The following CTNNA2 variants were observed in gnomAD, a reference collection of about 807,000 sequenced individuals.
CTNNA2 encodes the protein catenin alpha-2.
CTNNA2 carries 42 observed loss-of-function variants against 101.0 expected under a neutral mutation model. The ratio of observed to expected loss-of-function variants is 0.42; its 90% CI spans 0.32 to 0.54. The LOEUF (loss-of-function observed/expected upper bound fraction) is 0.54. Among genes scored for constraint, CTNNA2 ranks in the 20% least tolerant of loss-of-function variants. The pLI is 0.14. For synonymous variants in CTNNA2, 450 were observed against 456.4 expected (o/e 0.99, Z 0.18); for missense variants, 871 against 1,223.1 (o/e 0.71, Z 4.29).
intron 1 of CTNNA2, among the ~76,000 whole-genome samples, chr2:79,629,419 C>T (rs1411048527): frequency 6.6e-6 from 1 of 152,098 alleles, no homozygotes; most frequent in Non-Finnish European, 1.5e-5. Context: ...TAAGTAGGAC[C>T]TAGCTTTGAG....
intron 7 of CTNNA2, among the ~76,000 whole-genome samples, chr2:80,213,154 C>CA (rs1708013397): frequency 6.6e-6 from 1 of 151,884 alleles, no homozygotes. Context: ...TTGATCTTTT[C>CA]AAAAAACCAG....
rs541578212 is a variant in CTNNA2 at position 80,119,188 on chromosome 2, C to T, written c.1056+209391C>T. 9.9e-5 allele frequency among the ~76,000 whole-genome samples: 15 copies of T among 152,226 alleles called. No homozygotes were observed. The South Asian group carries it at 1.5e-3, about 15-fold the overall frequency. ...TGTCATGGTGGCAAGATGGCTGTTG[C>T]GGTTGCAGGCATCTTATAGAGGCCA... On this transcript the variant is annotated intron_variant, in intron 7 of 18. Transcript: ENST00000402739.
chr2:80,168,320 G>T (rs943987858), intron 7 of CTNNA2, among the ~76,000 whole-genome samples: 2 of 152,130 alleles, frequency 1.3e-5, no homozygotes, highest in African/African-American at 2.4e-5. Context: ...TAGGTGACAG[G>T]CATTGAGGTG....
chr2:80,511,188 A>G (rs1688676596), intron 9 of CTNNA2, among the ~76,000 whole-genome samples: 1 of 152,202 alleles, frequency 6.6e-6, no homozygotes, highest in South Asian at 2.1e-4. Context: ...GTGAATCCTC[A>G]GTATGCATCT....
chr2:80,511,554 C>A (rs536321794), intron 9 of CTNNA2, among the ~76,000 whole-genome samples: 1 of 152,218 alleles, frequency 6.6e-6, no homozygotes, highest in South Asian at 2.1e-4. Flanking sequence ...GAGGTGGTGG[C>A]ATTGTATATT....
chr2:79,468,600 T>G (rs1004258149), intron 4 of CTNNA2, among the ~76,000 whole-genome samples: 3 of 152,160 alleles, frequency 2.0e-5, no homozygotes, highest in Admixed American at 2.0e-4. Flanking sequence ...CACATCGCAC[T>G]TATTCCAAAA....
chr2:80,306,400 T>TTTTCTTTTC (rs1491389570), intron 7 of CTNNA2, among the ~76,000 whole-genome samples: 1,389 of 109,048 alleles, frequency 0.013, 14 homozygotes, highest in Middle Eastern at 0.032. Flanking sequence ...TTTTCTTTTC[T>TTTTCTTTTC]TTTCTTTCTT....
At chr2:79,828,520 GGAAA>G (rs1258195963) in intron 3 of CTNNA2, among the ~76,000 whole-genome samples, 9 of 152,082 alleles carry the variant, frequency 5.9e-5, no homozygotes, top group Admixed American at 3.3e-4. Context: ...GAGTTTAGCA[GGAAA>G]GAAAGAATAC....
intron 18 of CTNNA2, among the ~76,000 whole-genome samples, chr2:80,630,902 G>A (rs867001245): frequency 5.3e-5 from 8 of 152,126 alleles, no homozygotes; most frequent in African/African-American, 1.9e-4. Context: ...GGTAGAAGCT[G>A]AAGAAGTTGC....
chr2:80,192,463 C>T (rs995610004), intron 7 of CTNNA2, among the ~76,000 whole-genome samples: 15 of 152,146 alleles, frequency 9.9e-5, no homozygotes, highest in African/African-American at 3.6e-4. Flanking sequence ...TATTCATCTT[C>T]TCTCTGATTA....
chr2:80,538,014 C>A (rs934618082), intron 9 of CTNNA2, among the ~76,000 whole-genome samples: 1 of 151,998 alleles, frequency 6.6e-6, no homozygotes, highest in Admixed American at 6.6e-5. Flanking sequence ...GTTTGTTGGC[C>A]GCATAAATGT....
At chr2:80,413,052 C>T (rs181581765) in intron 8 of CTNNA2, among the ~76,000 whole-genome samples, 138 of 152,244 alleles carry the variant, frequency 9.1e-4, no homozygotes, top group Non-Finnish European at 1.5e-3. Flanking sequence ...GTTATTCATG[C>T]AACAAATCTA....
intron 7 of CTNNA2, among the ~76,000 whole-genome samples, chr2:80,264,208 G>A (rs920707350): frequency 1.1e-4 from 17 of 152,008 alleles, no homozygotes; most frequent in Admixed American, 9.8e-4. Context: ...TTGCCACAAC[G>A]ATTTATTTTC....
intron 7 of CTNNA2, among the ~76,000 whole-genome samples, chr2:80,167,165 C>T (rs181065720): frequency 6.6e-6 from 1 of 152,090 alleles, no homozygotes; most frequent in Non-Finnish European, 1.5e-5. Context: ...ATCACACTTA[C>T]TTTTGCACCA....
At chr2:79,433,595 C>A (rs1573163984) in intron 4 of CTNNA2, among the ~76,000 whole-genome samples, 2 of 123,812 alleles carry the variant, frequency 1.6e-5, no homozygotes, top group African/African-American at 3.0e-5. Context: ...AATTATTTGC[C>A]AAAGATGAGC....
intron 7 of CTNNA2, among the ~76,000 whole-genome samples, chr2:79,943,569 G>A (rs1369790869): frequency 6.6e-6 from 1 of 152,152 alleles, no homozygotes; most frequent in Non-Finnish European, 1.5e-5. Context: ...GACAGGAAAA[G>A]CAAGAGGACA....
At chr2:79,454,303 C>A (rs186143924) in intron 4 of CTNNA2, among the ~76,000 whole-genome samples, 1 of 152,204 alleles carries the variant, frequency 6.6e-6, no homozygotes, top group Non-Finnish European at 1.5e-5. Flanking sequence ...GTATAATTCA[C>A]AATATATGTA....
chr2:80,097,452 T>C (rs1165433941), intron 7 of CTNNA2, among the ~76,000 whole-genome samples: 1 of 152,172 alleles, frequency 6.6e-6, no homozygotes, highest in African/African-American at 2.4e-5. Flanking sequence ...TTTCCTTCAT[T>C]TCAACTTTGG....
chr2:80,596,925 T>C (rs1697036513), intron 15 of CTNNA2, among the ~76,000 whole-genome samples: 1 of 152,206 alleles, frequency 6.6e-6, no homozygotes, highest in South Asian at 2.1e-4. Flanking sequence ...TGAAGTGATG[T>C]TGAATTTTAT....
Sources: gnomAD v4.1 joint callset for allele counts (sites outside exome capture counted in the v4.1 genomes callset) on GRCh38, gnomAD v4.1.1 for gene constraint, MANE v1.5 for transcripts, NCBI Gene and HGNC (gene_info 2026-07-23, HGNC 2026-07-21) for gene names.